NHSL1: variants seen among roughly 807,000 people sequenced by gnomAD.
The protein encoded by NHSL1 is NHS like 1.
Under a neutral mutation model 95.0 loss-of-function variants are expected in NHSL1, and 48 were observed. The observed-to-expected ratio is 0.51, with a 90% CI of 0.40 to 0.64. NHSL1 has a LOEUF of 0.64. Ranked by LOEUF, NHSL1 falls within the 30% of genes least tolerant of loss-of-function variation. NHSL1 has a pLI of 0.00. For missense variants in NHSL1, 1,971 were observed against 2,077.7 expected, an observed-to-expected ratio of 0.95 and a Z score of 1.00; for synonymous variants, 783 against 833.9, an observed-to-expected ratio of 0.94 and a Z score of 1.05.
intron 3 of NHSL1, among the ~76,000 whole-genome samples, chr6:138,466,044 G>T (rs560389612): frequency 1.3e-4 from 18 of 141,240 alleles, no homozygotes; most frequent in Non-Finnish European, 2.3e-4. Flanking sequence ...TCCTTTTTGG[G>T]GGGGGGGCAG....
intron 1 of NHSL1, among the ~76,000 whole-genome samples, chr6:138,598,627 GAAAAA>G (rs35482505): frequency 1.0e-4 from 9 of 86,846 alleles, no homozygotes; most frequent in East Asian, 6.5e-4. Context: ...TCATCTGGAA[GAAAAA>G]AAAAAAAAAA....
intron 1 of NHSL1, among the ~76,000 whole-genome samples, chr6:138,640,009 A>C (rs1408744581): frequency 1.3e-5 from 2 of 151,858 alleles, no homozygotes; most frequent in African/African-American, 4.8e-5. Flanking sequence ...CTATAATCTC[A>C]TGGAGAGCTG....
At chr6:138,621,756 T>G (rs9402983) in intron 1 of NHSL1, among the ~76,000 whole-genome samples, 9,911 of 152,196 alleles carry the variant, frequency 0.065, 548 homozygotes, top group East Asian at 0.28. Context: ...AAAATATGCA[T>G]GCAAACCAAA....
intron 1 of NHSL1, among the ~76,000 whole-genome samples, chr6:138,673,038 G>GCT (rs1562409245): frequency 7.7e-4 from 4 of 5,200 alleles, no homozygotes; most frequent in African/African-American, 1.6e-3. Context: ...TAGGTAGATA[G>GCT]ATAGATAGAT....
At chr6:138,635,469 C>G (rs1784875233) in intron 1 of NHSL1, among the ~76,000 whole-genome samples, 1 of 151,992 alleles carries the variant, frequency 6.6e-6, no homozygotes, top group African/African-American at 2.4e-5. Flanking sequence ...ATATACAATA[C>G]CAAGATTGAA....
intron 1 of NHSL1, among the ~76,000 whole-genome samples, chr6:138,649,269 G>GA (rs1330774374): frequency 3.3e-5 from 5 of 152,002 alleles, no homozygotes; most frequent in African/African-American, 1.2e-4. Context: ...CTCTCACTAG[G>GA]AAAGGCAGAG....
At chr6:138,459,783 A>G (rs1041991852) in intron 3 of NHSL1, among the ~76,000 whole-genome samples, 1 of 152,182 alleles carries the variant, frequency 6.6e-6, no homozygotes, top group African/African-American at 2.4e-5. Context: ...ATTCTACCAA[A>G]TAACTTGTCA....
chr6:138,447,238 G>A (rs774261979), intron 3 of NHSL1, 45 bp from the exon 4 acceptor site: 32 of 1,422,790 alleles, frequency 2.2e-5, no homozygotes, highest in Non-Finnish European at 3.0e-5. Context: ...TAAAGAGCTG[G>A]CAGAAACATT....
At position 138,615,661 on chromosome 6, in the gene NHSL1, G is replaced by A. The variant is rs538674482; in HGVS notation, c.96+76815C>T. Among the ~76,000 whole-genome samples the A allele has an allele frequency of 7.9e-5, 12 of 152,334 alleles. No individual in the cohort carries two copies. In the South Asian group the frequency reaches 1.9e-3, roughly 24 times the overall value. ...AATTTTTTGTATTCTTAGTAGAGAC[G>A]GGGGTGTCCCCGTGTTAGCCAGGAT... is the stretch of plus-strand genomic sequence containing the variant. On this transcript the variant is annotated intron_variant, in intron 1 of 3. Coordinates refer to the NHSL1 transcript ENST00000491526.
intron 1 of NHSL1, among the ~76,000 whole-genome samples, chr6:138,568,791 C>T (rs1783713044): frequency 1.3e-5 from 2 of 152,100 alleles, no homozygotes; most frequent in Non-Finnish European, 2.9e-5. Context: ...TAAAAAGATT[C>T]TCAAAAGAAA....
intron 1 of NHSL1, among the ~76,000 whole-genome samples, chr6:138,662,355 T>C: frequency 6.6e-6 from 1 of 152,208 alleles, no homozygotes; most frequent in East Asian, 1.9e-4. Flanking sequence ...ATTACTCTTT[T>C]AACATTTCTT....
intron 3 of NHSL1, among the ~76,000 whole-genome samples, chr6:138,449,270 T>C (rs190419458): frequency 1.1e-3 from 163 of 152,296 alleles, no homozygotes; most frequent in African/African-American, 3.7e-3. Flanking sequence ...TCCTAAACTT[T>C]GATGTTTCCT....
intron 2 of NHSL1, among the ~76,000 whole-genome samples, chr6:138,489,970 G>A (rs1469881461): frequency 4.1e-5 from 4 of 98,212 alleles, no homozygotes; most frequent in Admixed American, 2.8e-4. Context: ...GGGAGAGGGG[G>A]AGAGGGGGAG....
intron 3 of NHSL1, among the ~76,000 whole-genome samples, chr6:138,462,695 G>T (rs1778077030): frequency 6.6e-6 from 1 of 152,250 alleles, no homozygotes; most frequent in Admixed American, 6.5e-5. Flanking sequence ...TAGTAGGACT[G>T]CTAGGCAGCA....
rs67335375 is a variant in NHSL1 at position 138,523,627 on chromosome 6, GAAAAAAAAAAAAAAAA to G, written c.16+21980_16+21995del. On this transcript the variant is annotated intron_variant, in intron 1 of 4. Coordinates refer to the NHSL1 transcript ENST00000342260. Reference sequence around the variant, plus strand: ...CCCAGCCTAGAGATGTTTTAAAGAGGAAAAAAAAAAAAAAAAAAAAAAAAACAGAGCTAAAAGCTCC... The same window carrying G: ...CCCAGCCTAGAGATGTTTTAAAGAGGAAAAAAAAACAGAGCTAAAAGCTCC... 3.2e-4 allele frequency among the ~76,000 whole-genome samples: 21 copies of G among 64,940 alleles called. No homozygotes were observed. In the South Asian group the frequency reaches 0.013, roughly 40 times the overall value. The allele number at this position is 64,940 out of a possible 152,430, so 42.6% of individuals were successfully genotyped here. A position where few individuals can be genotyped will look rare whatever the true frequency, so the allele number is the denominator to read the frequency against.
chr6:138,530,127 G>A lies in NHSL1; in HGVS notation c.16+15496C>T, dbSNP rs117558465. Among the ~76,000 whole-genome samples the A allele has an allele frequency of 6.9e-3, 1,052 of 152,306 alleles. 7 individuals carry two copies. Among genetic ancestry groups the A allele is most frequent in the Middle Eastern group, 0.014 (4 of 294 alleles). On this transcript the variant is annotated intron_variant, in intron 1 of 4. Coordinates refer to the NHSL1 transcript ENST00000342260. ...ATCCCCAATGTGATGGTATTAGGAGGTGGGGCCTTTGGAAGGTGATTAGGT... is the reference window on the plus strand; with the variant it reads ...ATCCCCAATGTGATGGTATTAGGAGATGGGGCCTTTGGAAGGTGATTAGGT...
At chr6:138,572,603 G>C (rs1783881331), upstream of NHSL1, 2 of 152,206 alleles carry the variant, frequency 1.3e-5, no homozygotes, top group South Asian at 4.1e-4. Flanking sequence ...CTGGATTACA[G>C]AGCAAGCACT....
In NHSL1 at chr6:138,493,498, T is replaced by C. The variant is rs527496163; in HGVS notation, c.211+2721A>G. Among the ~76,000 whole-genome samples, 12 of 152,334 alleles carry C rather than the reference T, an allele frequency of 7.9e-5. 1 individual carries two copies. In the South Asian group the frequency reaches 1.2e-3, roughly 16 times the overall value. ...TCCTGATCTGGAACTTGAAAATACA[T>C]GAAATGGGAGTGAAGCACAGTTTCC... On this transcript the variant is annotated intron_variant, in intron 2 of 7. Coordinates refer to ENST00000343505, the MANE Select transcript of NHSL1 (RefSeq NM_001144060.2).
chr6:138,570,363 A>T (rs972340130), intron 1 of NHSL1, among the ~76,000 whole-genome samples: 2 of 152,218 alleles, frequency 1.3e-5, no homozygotes, highest in Non-Finnish European at 2.9e-5. Flanking sequence ...ATTTACCAAA[A>T]CCACAGCTTA....
Sources: gnomAD v4.1 joint callset for allele counts (sites outside exome capture counted in the v4.1 genomes callset) on GRCh38, gnomAD v4.1.1 for gene constraint, MANE v1.5 for transcripts, NCBI Gene and HGNC (gene_info 2026-07-23, HGNC 2026-07-21) for gene names.